Variants in PARVA observed in about 807,000 individuals in gnomAD.
PARVA encodes parvin alpha.
In PARVA, 25 loss-of-function variants were observed where a neutral mutation model predicts 52.6. That is an observed-to-expected ratio of 0.48 (90% CI 0.35 to 0.66). The LOEUF (loss-of-function observed/expected upper bound fraction) is 0.66. Ranked by LOEUF, PARVA falls within the 30% of genes least tolerant of loss-of-function variation. PARVA has a pLI of 0.01. For synonymous variants in PARVA, 185 were observed against 179.1 expected, an observed-to-expected ratio of 1.03 and a Z score of -0.26; for missense variants, 373 against 450.9, an observed-to-expected ratio of 0.83 and a Z score of 1.56.
At chr11:12,480,018 G>A (rs1032078477) in intron 4 of PARVA, 3 of 152,192 alleles carry the variant, frequency 2.0e-5, no homozygotes, top group African/African-American at 7.2e-5. Context: ...GAGGTCAAGA[G>A]TTTAAGAGCA....
At chr11:12,475,757 C>T (rs1195137020) in intron 3 of PARVA, among the ~76,000 whole-genome samples, 3 of 152,206 alleles carry the variant, frequency 2.0e-5, no homozygotes, top group Non-Finnish European at 2.9e-5. Flanking sequence ...TTGGCTAGGC[C>T]GCCATGCAGC....
At position 12,377,732 on chromosome 11, in the gene PARVA, T is replaced by C. The variant is rs745506221; in HGVS notation, c.85T>C (p.Phe29Leu). The change falls in exon 1 of 13, where the codon TTC (phenylalanine) becomes CTC (leucine). Residue 29 changes from phenylalanine (F) to leucine (L), a missense_variant. Physicochemically the swap from Phe to Leu is conservative, Grantham distance 22 (BLOSUM62 0). Coordinates refer to ENST00000334956, the MANE Select transcript of PARVA (RefSeq NM_018222.5). ...CCCGTCCCGCAAGAAAGATGATTCC[T>C]TCTTGGGGAAACTCGGAGGGACCCT... is the stretch of plus-strand genomic sequence containing the variant. ...SPPSRKKDDSFLGKLGGTLAR... is the reference protein window; with the variant it reads ...SPPSRKKDDSLLGKLGGTLAR... 8.3e-6 allele frequency: 13 copies of C among 1,561,694 alleles called. No individual in the cohort carries two copies. Among genetic ancestry groups the C allele is most frequent in the African/African-American group, 1.4e-5 (1 of 70,102 alleles).
At chr11:12,449,987 C>G (rs925315294) in intron 1 of PARVA, among the ~76,000 whole-genome samples, 1 of 152,162 alleles carries the variant, frequency 6.6e-6, no homozygotes, top group Non-Finnish European at 1.5e-5. Flanking sequence ...TACCATGTGC[C>G]AGGTATTGTT....
At chr11:12,378,505 T>G (rs945680245) in intron 1 of PARVA, among the ~76,000 whole-genome samples, 39 of 151,362 alleles carry the variant, frequency 2.6e-4, no homozygotes, top group Non-Finnish European at 3.5e-4. Context: ...TGCTGTGAAC[T>G]CAGGCATTCA....
rs1941599274 is a variant in PARVA at position 12,518,537 on chromosome 11, G to A, written c.1042+20G>A. The A allele has an allele frequency of 6.3e-7, 1 of 1,588,474 alleles. No individual in the cohort carries two copies. On this transcript the variant is annotated intron_variant, in intron 12 of 12. Coordinates refer to ENST00000334956, the MANE Select transcript of PARVA (RefSeq NM_018222.5). The stretch of plus-strand genomic sequence containing the variant: ...CAGAAGGTACTTTGCTCTTTCCTGG[G>A]TTTGTGACAACAGAGTGAGACCCTC...
rs1215494494 is a variant in PARVA, at chr11:12,465,418, T to A, written c.137-8327T>A. Among the ~76,000 whole-genome samples, 3 of 152,224 alleles carry A rather than the reference T, an allele frequency of 2.0e-5. No individual in the cohort carries two copies. The East Asian group carries it at 5.8e-4, about 29-fold the overall frequency. On this transcript the variant is annotated intron_variant, in intron 1 of 12. Transcript: ENST00000334956. Reference sequence around the variant, plus strand: ...TTTATAAGTTACCCAGTTTCAGACATTCTGTTATAAGCAACAGAAAATGGA... The same window carrying A: ...TTTATAAGTTACCCAGTTTCAGACAATCTGTTATAAGCAACAGAAAATGGA...
chr11:12,414,721 C>T (rs1006155857), intron 1 of PARVA, among the ~76,000 whole-genome samples: 2 of 150,170 alleles, frequency 1.3e-5, no homozygotes, highest in Non-Finnish European at 2.9e-5. Flanking sequence ...ATCTTGTTTT[C>T]ATATGAAGTG....
chr11:12,510,556 C>T (rs957171130), intron 7 of PARVA, among the ~76,000 whole-genome samples: 6 of 145,172 alleles, frequency 4.1e-5, no homozygotes, highest in East Asian at 2.0e-4. Context: ...AAGACATACC[C>T]AAAACTGGGA....
chr11:12,500,467 G>A (rs895158035), intron 5 of PARVA, among the ~76,000 whole-genome samples: 2 of 152,124 alleles, frequency 1.3e-5, no homozygotes, highest in Non-Finnish European at 2.9e-5. Flanking sequence ...TGGAAAAATG[G>A]CATATTTTTG....
intron 4 of PARVA, among the ~76,000 whole-genome samples, chr11:12,484,389 C>T (rs1941129652): frequency 6.6e-6 from 1 of 152,108 alleles, no homozygotes; most frequent in Non-Finnish European, 1.5e-5. Flanking sequence ...GCTTCCAGGG[C>T]TCTTCTTTCT....
intron 1 of PARVA, among the ~76,000 whole-genome samples, chr11:12,400,396 A>G (rs1939809525): frequency 6.6e-6 from 1 of 152,216 alleles, no homozygotes; most frequent in Non-Finnish European, 1.5e-5. Flanking sequence ...TACTTTGAGT[A>G]GATTTCAAAC....
Position 12,500,109 on chromosome 11 carries a change from T to C in PARVA, c.541+3511T>C, listed in dbSNP as rs187968822. Reference sequence around the variant, plus strand: ...GTTAGGGCCAAAGGGTGAGAGCATTTTTAAGGTCATAGTACATAATGTTAA... The same window carrying C: ...GTTAGGGCCAAAGGGTGAGAGCATTCTTAAGGTCATAGTACATAATGTTAA... On this transcript the variant is annotated intron_variant, in intron 5 of 12. Transcript: ENST00000334956. Among the ~76,000 whole-genome samples the C allele has an allele frequency of 9.2e-5, 14 of 152,282 alleles. No individual in the cohort carries two copies. The East Asian group carries it at 2.5e-3, about 27-fold the overall frequency.
chr11:12,507,476 T>G (rs1941445640), intron 6 of PARVA, among the ~76,000 whole-genome samples: 1 of 152,174 alleles, frequency 6.6e-6, no homozygotes, highest in Non-Finnish European at 1.5e-5. Flanking sequence ...AAACTGGCAC[T>G]CAGAGCTGCC....
rs1430322392 is a variant in PARVA, at chr11:12,377,848, C to T, written c.136+65C>T. ...GGGGGTGCCGTAGGGGCCGAGGGGC[C>T]GGGGCACTGGGACCGGGCGGGAGCG... On this transcript the variant is annotated intron_variant, in intron 1 of 12. Coordinates refer to ENST00000334956, the MANE Select transcript of PARVA (RefSeq NM_018222.5). The T allele has an allele frequency of 1.1e-5, 14 of 1,286,466 alleles. No individual in the cohort carries two copies. In the South Asian group the frequency reaches 1.2e-4, roughly 11 times the overall value. The allele number at this position is 1,286,466 out of a possible 1,614,324, so 79.7% of individuals were successfully genotyped here.
Position 12,499,437 on chromosome 11 carries a change from CT to C in PARVA, c.541+2852del, listed in dbSNP as rs1300364591. Among the ~76,000 whole-genome samples, 421 of 142,230 alleles carry C rather than the reference CT, an allele frequency of 3.0e-3. 1 individual carries two copies. Among genetic ancestry groups the C allele is most frequent in the African/African-American group, 7.4e-3 (289 of 39,116 alleles). The allele number at this position is 142,230 out of a possible 152,430, so 93.3% of individuals were successfully genotyped here. A position where few individuals can be genotyped will look rare whatever the true frequency, so the allele number is the denominator to read the frequency against. The stretch of plus-strand genomic sequence containing the variant: ...GATCTGGGGCTTTAGGGATTTCTTC[CT>C]TTTTTTTTTTTTCTAATTCACAACA... On this transcript the variant is annotated intron_variant, in intron 5 of 12. Transcript: ENST00000334956.
At chr11:12,490,573 A>G (rs1043860098) in intron 4 of PARVA, among the ~76,000 whole-genome samples, 1 of 152,024 alleles carries the variant, frequency 6.6e-6, no homozygotes, top group Admixed American at 6.6e-5. Context: ...ACACAAACTG[A>G]GAGGGTTTAT....
intron 1 of PARVA, among the ~76,000 whole-genome samples, chr11:12,454,674 A>C (rs1470338538): frequency 6.6e-6 from 1 of 152,162 alleles, no homozygotes; most frequent in Non-Finnish European, 1.5e-5. Context: ...CCAGCAGCCA[A>C]CAATGATCAA....
intron 1 of PARVA, among the ~76,000 whole-genome samples, chr11:12,385,948 ATCCTGCTGAG>A (rs1475943296): frequency 6.6e-6 from 1 of 152,178 alleles, no homozygotes; most frequent in African/African-American, 2.4e-5. Context: ...CTTTTATGAA[ATCCTGCTGAG>A]TCTACCATCA....
intron 1 of PARVA, among the ~76,000 whole-genome samples, chr11:12,378,973 A>G (rs1457760997): frequency 6.6e-6 from 1 of 152,218 alleles, no homozygotes; most frequent in Non-Finnish European, 1.5e-5. Context: ...CACTCCATAG[A>G]CAGAGCAGCC....
Sources: gnomAD v4.1 joint callset for allele counts (sites outside exome capture counted in the v4.1 genomes callset) on GRCh38, gnomAD v4.1.1 for gene constraint, MANE v1.5 for transcripts, NCBI Gene and HGNC (gene_info 2026-07-23, HGNC 2026-07-21) for gene names.